CLVS1: variants seen among roughly 807,000 people sequenced by gnomAD.
The protein encoded by CLVS1 is clavesin 1, also known as clavesin-1.
A neutral mutation model predicts 33.1 loss-of-function variants in CLVS1; 10 were observed. The ratio of observed to expected loss-of-function variants is 0.30; its 90% CI spans 0.19 to 0.51. CLVS1 has a LOEUF of 0.51. Among genes scored for constraint, CLVS1 ranks in the 20% least tolerant of loss-of-function variants. The pLI, the probability that CLVS1 is intolerant of heterozygous loss-of-function variation, is 0.97. For synonymous variants in CLVS1, 163 were observed against 166.1 expected, an observed-to-expected ratio of 0.98 and a Z score of 0.14; for missense variants, 343 against 433.4, an observed-to-expected ratio of 0.79 and a Z score of 1.85.
At chr8:61,213,031 C>T (rs979249361) in intron 2 of CLVS1, among the ~76,000 whole-genome samples, 1 of 152,000 alleles carries the variant, frequency 6.6e-6, no homozygotes, top group South Asian at 2.1e-4. Context: ...CATTTTGGTC[C>T]CACTATCCCT....
intron 3 of CLVS1, among the ~76,000 whole-genome samples, chr8:61,399,607 C>T (rs1814670399): frequency 6.6e-6 from 1 of 152,128 alleles, no homozygotes; most frequent in Admixed American, 6.5e-5. Context: ...GAAATCTTTG[C>T]CTGTGCCTAT....
intron 3 of CLVS1, among the ~76,000 whole-genome samples, chr8:61,422,449 G>C (rs922833201): frequency 6.6e-6 from 1 of 152,162 alleles, no homozygotes; most frequent in African/African-American, 2.4e-5. Flanking sequence ...AAAGATCATA[G>C]TCCGTGCACA....
chr8:61,272,614 A>T (rs1337170000), intron 2 of CLVS1, among the ~76,000 whole-genome samples: 1 of 152,104 alleles, frequency 6.6e-6, no homozygotes, highest in Non-Finnish European at 1.5e-5. Flanking sequence ...CATTCTCCCC[A>T]TCACTTTCAG....
chr8:61,347,824 A>G (rs1812283491), intron 2 of CLVS1, among the ~76,000 whole-genome samples: 1 of 151,060 alleles, frequency 6.6e-6, no homozygotes, highest in Non-Finnish European at 1.5e-5. Context: ...TGATAGTTCT[A>G]TTTTTAATTT....
At chr8:61,181,895 G>T (rs1055133540) in intron 2 of CLVS1, among the ~76,000 whole-genome samples, 9 of 151,870 alleles carry the variant, frequency 5.9e-5, no homozygotes, top group African/African-American at 2.2e-4. Flanking sequence ...TAGAGATGGG[G>T]TTTCACTGTG....
chr8:61,141,077 T>G (rs1229430745), intron 2 of CLVS1, among the ~76,000 whole-genome samples: 1 of 152,188 alleles, frequency 6.6e-6, no homozygotes, highest in Non-Finnish European at 1.5e-5. Context: ...TCTGCGCTCA[T>G]CTGAACTCAT....
At chr8:61,478,403 T>A (rs940562768) in intron 5 of CLVS1, among the ~76,000 whole-genome samples, 7 of 152,216 alleles carry the variant, frequency 4.6e-5, no homozygotes, top group African/African-American at 1.7e-4. Flanking sequence ...ATCTGTCTAA[T>A]GTTGACAGTG....
the CLVS1 span, among the ~76,000 whole-genome samples, chr8:60,990,627 T>C: frequency 6.6e-6 from 1 of 152,124 alleles, no homozygotes; most frequent in African/African-American, 2.4e-5. Context: ...ATAGGATAGA[T>C]GAACCATTTG....
At chr8:61,162,079 T>G (rs1806763195) in intron 2 of CLVS1, among the ~76,000 whole-genome samples, 1 of 152,226 alleles carries the variant, frequency 6.6e-6, no homozygotes, top group African/African-American at 2.4e-5. Flanking sequence ...CTCTCTTACC[T>G]TCTTGCCGTC....
At chr8:61,321,524 T>G (rs1360768058) in intron 2 of CLVS1, among the ~76,000 whole-genome samples, 1 of 152,128 alleles carries the variant, frequency 6.6e-6, no homozygotes, top group African/African-American at 2.4e-5. Context: ...CATTTTGTTT[T>G]CTTGGAACAT....
chr8:61,186,961 G>A (rs746819794), intron 2 of CLVS1, among the ~76,000 whole-genome samples: 111 of 152,200 alleles, frequency 7.3e-4, no homozygotes, highest in Non-Finnish European at 2.9e-4. Context: ...AGGTCTGAGA[G>A]TGGGGAAAGT....
At chr8:61,180,557 T>C (rs1807208442) in intron 2 of CLVS1, among the ~76,000 whole-genome samples, 1 of 152,208 alleles carries the variant, frequency 6.6e-6, no homozygotes. Context: ...TTCAGGCCAA[T>C]ATCCTTGATG....
At chr8:61,334,486 C>G (rs1811712750) in intron 2 of CLVS1, among the ~76,000 whole-genome samples, 1 of 152,148 alleles carries the variant, frequency 6.6e-6, no homozygotes, top group South Asian at 2.1e-4. Flanking sequence ...TCTTGGAACA[C>G]AAAGGGCAAG....
intron 2 of CLVS1, among the ~76,000 whole-genome samples, chr8:61,163,740 GA>G (rs1806796072): frequency 6.6e-6 from 1 of 152,194 alleles, no homozygotes; most frequent in South Asian, 2.1e-4. Context: ...CTATTAGGAC[GA>G]ACCCGGGCAC....
At chr8:61,258,147 T>A (rs925757080) in intron 2 of CLVS1, among the ~76,000 whole-genome samples, 4 of 152,220 alleles carry the variant, frequency 2.6e-5, no homozygotes, top group African/African-American at 9.6e-5. Flanking sequence ...TTGCCTTTTT[T>A]AATTTAGATG....
intron 5 of CLVS1, among the ~76,000 whole-genome samples, chr8:61,475,017 A>G (rs955287300): frequency 6.6e-6 from 1 of 152,092 alleles, no homozygotes; most frequent in Non-Finnish European, 1.5e-5. Context: ...TCATTGTTCA[A>G]TTCCCACCTA....
chr8:61,455,545 T>C (rs1220010898), intron 4 of CLVS1, among the ~76,000 whole-genome samples: 2 of 152,262 alleles, frequency 1.3e-5, no homozygotes, highest in Admixed American at 6.5e-5. Flanking sequence ...GATTTCATTC[T>C]TCTTTAAGAC....
chr8:61,447,677 A>T (rs778232214), intron 3 of CLVS1, among the ~76,000 whole-genome samples: 24 of 152,024 alleles, frequency 1.6e-4, no homozygotes, highest in Non-Finnish European at 2.1e-4. Flanking sequence ...CTAATTTATA[A>T]TATAATTGTC....
intron 2 of CLVS1, among the ~76,000 whole-genome samples, chr8:61,215,282 T>G (rs565239684): frequency 6.6e-6 from 1 of 152,298 alleles, no homozygotes; most frequent in Admixed American, 6.5e-5. Context: ...TTAAATGGGC[T>G]ATATAAAAGT....
Sources: allele counts gnomAD v4.1 joint callset (sites outside exome capture counted in the v4.1 genomes callset), GRCh38; gene constraint gnomAD v4.1.1; transcripts MANE v1.5; gene names NCBI Gene and HGNC (gene_info 2026-07-23, HGNC 2026-07-21).